The following GLYR1 variants were observed in gnomAD, a reference collection of about 807,000 sequenced individuals.
GLYR1 encodes cytokine-like nuclear factor N-PAC.
GLYR1 carries 21 observed loss-of-function variants against 72.7 expected under a neutral mutation model. The observed-to-expected ratio is 0.29, with a 90% CI of 0.20 to 0.42. The LOEUF (loss-of-function observed/expected upper bound fraction) is 0.42, where lower values mean the gene tolerates loss of function less well. GLYR1 is among the 10% of genes least tolerant of loss of function. The pLI is 1.00. For synonymous variants in GLYR1, 392 were observed against 270.2 expected, an observed-to-expected ratio of 1.45 and a Z score of -4.42; for missense variants, 594 against 712.1, an observed-to-expected ratio of 0.83 and a Z score of 1.89.
chr16:4,837,511 CAT>C (rs763634697), intron 3 of GLYR1, among the ~76,000 whole-genome samples: 33 of 151,998 alleles, frequency 2.2e-4, no homozygotes, highest in East Asian at 5.8e-4. Flanking sequence ...AACGCTGTCA[CAT>C]GTGTTTCAGC....
chr16:4,816,621 T>TATC, intron 10 of GLYR1, among the ~76,000 whole-genome samples: 1 of 152,330 alleles, frequency 6.6e-6, no homozygotes, highest in East Asian at 1.9e-4. Flanking sequence ...GATCTTCTTG[T>TATC]GTGATTTTTA....
chr16:4,841,930 C>G (rs1265178849), intron 3 of GLYR1, among the ~76,000 whole-genome samples: 1 of 152,190 alleles, frequency 6.6e-6, no homozygotes, highest in Admixed American at 6.5e-5. Context: ...TTCTATGTAT[C>G]TTCCAGAGCT....
At chr16:4,830,425 G>C (rs900077490) in intron 5 of GLYR1, among the ~76,000 whole-genome samples, 4 of 152,130 alleles carry the variant, frequency 2.6e-5, no homozygotes, top group East Asian at 1.9e-4. Flanking sequence ...TGTGGACAGA[G>C]CATGACCTCC....
At chr16:4,814,423 A>G in intron 11 of GLYR1, 114 bp downstream of exon 11, 1 of 783,948 alleles carries the variant, frequency 1.3e-6, no homozygotes, top group East Asian at 2.5e-5. Context: ...CTGATGGGAA[A>G]TTCAGCCCCC....
chr16:4,840,490 C>T (rs935522276), intron 3 of GLYR1, among the ~76,000 whole-genome samples: 1 of 152,092 alleles, frequency 6.6e-6, no homozygotes, highest in Non-Finnish European at 1.5e-5. Flanking sequence ...GGCTGACATC[C>T]TTTAGGAACT....
At chr16:4,847,054 C>A (rs1330843780) in intron 1 of GLYR1, 174 bp downstream of exon 1, 2 of 613,696 alleles carry the variant, frequency 3.3e-6, no homozygotes, top group Non-Finnish European at 5.6e-6. Context: ...CTCGGTCCCC[C>A]GGGACTGGAC....
chr16:4,806,465 T>TCCTGCCTCA (rs1232428282), intron 15 of GLYR1, among the ~76,000 whole-genome samples: 7 of 151,328 alleles, frequency 4.6e-5, no homozygotes, highest in African/African-American at 1.5e-4. Context: ...CAAGCAATCC[T>TCCTGCCTCA]CCTGCCTCAC....
At chr16:4,846,125 C>T (rs751135813) in intron 2 of GLYR1, 49 bp downstream of exon 2, 3 of 1,599,646 alleles carry the variant, frequency 1.9e-6, no homozygotes, top group Admixed American at 3.3e-5. Flanking sequence ...CATTCTCCAC[C>T]TCTTCAAACC....
chr16:4,819,132 GATCAT>G (rs2083843518), intron 9 of GLYR1, among the ~76,000 whole-genome samples: 1 of 152,032 alleles, frequency 6.6e-6, no homozygotes, highest in African/African-American at 2.4e-5. Context: ...CCTCATTTCT[GATCAT>G]ATCATGTTCT....
intron 3 of GLYR1, among the ~76,000 whole-genome samples, chr16:4,837,544 C>T (rs924556189): frequency 6.6e-5 from 10 of 151,856 alleles, no homozygotes; most frequent in Middle Eastern, 3.4e-3. Context: ...ACAGGTGACC[C>T]GGGGTGAAGC....
rs2085878671 is a variant in GLYR1, at chr16:4,844,922, C to G, written c.155+152G>C. The G allele has an allele frequency of 9.8e-6, 6 of 614,374 alleles. No homozygotes were observed. In the East Asian group the frequency reaches 1.3e-4, roughly 13 times the overall value. The allele number at this position is 614,374 out of a possible 1,614,324, so 38.1% of individuals were successfully genotyped here. A position where few individuals can be genotyped will look rare whatever the true frequency, so the allele number is the denominator to read the frequency against. On this transcript the variant is annotated intron_variant, in intron 3 of 15. Coordinates refer to ENST00000321919, the MANE Select transcript of GLYR1 (RefSeq NM_032569.4). ...AGGGCAATTTCTGCAAGAAATTGCACCTTTATTTAGGTATGAAGGCAGAAT... is the reference window on the plus strand; with the variant it reads ...AGGGCAATTTCTGCAAGAAATTGCAGCTTTATTTAGGTATGAAGGCAGAAT...
chr16:4,835,202 C>T (rs2085054810), intron 3 of GLYR1, among the ~76,000 whole-genome samples: 1 of 152,088 alleles, frequency 6.6e-6, no homozygotes, highest in Admixed American at 6.6e-5. Context: ...TACCTCCATC[C>T]CTGCCTCCCA....
chr16:4,821,169 C>T (rs1035382965), intron 9 of GLYR1: 3 of 597,216 alleles, frequency 5.0e-6, no homozygotes, highest in Non-Finnish European at 8.9e-6. Context: ...CAAAAAAATC[C>T]CTCAGCTTAT....
chr16:4,829,652 A>G (rs2084659670), intron 5 of GLYR1, among the ~76,000 whole-genome samples: 1 of 150,294 alleles, frequency 6.7e-6, no homozygotes, highest in African/African-American at 2.4e-5. Context: ...AACCCCAGCT[A>G]ATTTTTAATT....
At chr16:4,841,224 G>C (rs747415722) in intron 3 of GLYR1, among the ~76,000 whole-genome samples, 4 of 151,962 alleles carry the variant, frequency 2.6e-5, no homozygotes, top group Non-Finnish European at 4.4e-5. Flanking sequence ...CTGTTTGCCT[G>C]GTTAAGCTCT....
chr16:4,805,605 C>A (rs1464908705), intron 15 of GLYR1, among the ~76,000 whole-genome samples: 1 of 152,208 alleles, frequency 6.6e-6, no homozygotes, highest in African/African-American at 2.4e-5. Context: ...GCCTGTAAGG[C>A]CGAGGTGGGT....
chr16:4,815,516 T>A (rs1475666772), intron 10 of GLYR1, among the ~76,000 whole-genome samples: 11 of 152,172 alleles, frequency 7.2e-5, no homozygotes, highest in African/African-American at 2.7e-4. Context: ...TAAAATCACA[T>A]CACCAAACAT....
rs879388643 is a variant in GLYR1 at position 4,842,518 on chromosome 16, GA to G, written c.155+2555del. On this transcript the variant is annotated intron_variant, in intron 3 of 15. Transcript: ENST00000321919. Reference sequence around the variant, plus strand: ...TTGTGTGCCACCATGCCTGGCTATTGAAAAAAAAAATTTATTTTTTTAAGTA... The same window carrying G: ...TTGTGTGCCACCATGCCTGGCTATTGAAAAAAAAATTTATTTTTTTAAGTA... Among the ~76,000 whole-genome samples, 286 of 149,472 alleles carry G rather than the reference GA, an allele frequency of 1.9e-3. 2 individuals are homozygous for G. The highest frequency in any genetic ancestry group is 6.4e-3 in the African/African-American group (261 of 40,704).
intron 3 of GLYR1, chr16:4,839,440 G>C (rs1406249829): frequency 6.6e-6 from 1 of 152,020 alleles, no homozygotes; most frequent in Non-Finnish European, 1.5e-5. Context: ...CTGATGGGGG[G>C]GTCACCACTA....
Sources: gnomAD v4.1 joint callset for allele counts (sites outside exome capture counted in the v4.1 genomes callset) on GRCh38, gnomAD v4.1.1 for gene constraint, MANE v1.5 for transcripts, NCBI Gene and HGNC (gene_info 2026-07-23, HGNC 2026-07-21) for gene names.